Variants in CADM2 observed in about 807,000 individuals in gnomAD.
CADM2 encodes the protein cell adhesion molecule 2.
Under a neutral mutation model 49.8 loss-of-function variants are expected in CADM2, and 12 were observed. The ratio of observed to expected loss-of-function variants is 0.24; its 90% CI spans 0.15 to 0.39. The LOEUF (loss-of-function observed/expected upper bound fraction) is 0.39. Among genes scored for constraint, CADM2 ranks in the 10% least tolerant of loss-of-function variants. The probability of loss-of-function intolerance (pLI) is 1.00; values close to 1 mark genes in which losing one functional copy is unlikely to be tolerated. For synonymous variants in CADM2, 214 were observed against 175.4 expected (o/e 1.22, Z -1.74); for missense variants, 378 against 492.3 (o/e 0.77, Z 2.20).
intron 1 of CADM2, among the ~76,000 whole-genome samples, chr3:85,676,758 A>T (rs1292751493): frequency 6.6e-6 from 1 of 151,996 alleles, no homozygotes; most frequent in Admixed American, 6.6e-5. Context: ...TTTTGTATAC[A>T]AGCATCTTAT....
chr3:85,657,739 T>TAC (rs1461325523), intron 1 of CADM2, among the ~76,000 whole-genome samples: 15 of 121,536 alleles, frequency 1.2e-4, no homozygotes, highest in Middle Eastern at 5.3e-3. Context: ...GATATATATA[T>TAC]ACAGATATAT....
Position 85,883,186 on chromosome 3 carries a change from A to G in CADM2, c.239-105A>G, listed in dbSNP as rs878929869. ...GTTCCAAGAAATAAGATTTGAATGT[A>G]TGGCCAAAGAAAACATTTATTGTAT... On this transcript the variant is annotated intron_variant, in intron 3 of 9. Coordinates refer to ENST00000383699, the MANE Select transcript of CADM2 (RefSeq NM_001167675.2). 26 of 808,912 alleles carry G rather than the reference A, an allele frequency of 3.2e-5. No individual in the cohort carries two copies. The South Asian group carries it at 6.9e-4, about 21-fold the overall frequency. 50.1% of individuals were successfully genotyped at this position (808,912 alleles called of 1,614,324 possible). A position where few individuals can be genotyped will look rare whatever the true frequency, so the allele number is the denominator to read the frequency against.
At chr3:85,189,163 A>G (rs555796828) in intron 1 of CADM2, among the ~76,000 whole-genome samples, 1 of 152,046 alleles carries the variant, frequency 6.6e-6, no homozygotes, top group Admixed American at 6.6e-5. Context: ...TATTATATAT[A>G]TTCAAACTAA....
intron 6 of CADM2, among the ~76,000 whole-genome samples, chr3:85,915,812 T>G (rs1319620148): frequency 6.6e-6 from 1 of 152,122 alleles, no homozygotes; most frequent in African/African-American, 2.4e-5. Context: ...GGAAGAACAT[T>G]TAGCATTTCA....
At chr3:85,040,121 CTG>C (rs916189687) in intron 1 of CADM2, among the ~76,000 whole-genome samples, 1 of 152,118 alleles carries the variant, frequency 6.6e-6, no homozygotes, top group Non-Finnish European at 1.5e-5. Context: ...AGAGAACACT[CTG>C]TGCAAAGATT....
At chr3:85,854,150 A>T (rs1466900970) in intron 3 of CADM2, among the ~76,000 whole-genome samples, 4 of 152,300 alleles carry the variant, frequency 2.6e-5, no homozygotes, top group African/African-American at 9.6e-5. Flanking sequence ...TTGCTTATTT[A>T]TCCTGGCCAT....
At chr3:86,009,865 G>T (rs1196339441) in intron 8 of CADM2, among the ~76,000 whole-genome samples, 1 of 151,482 alleles carries the variant, frequency 6.6e-6, no homozygotes, top group Non-Finnish European at 1.5e-5. Context: ...TTGAGAAATG[G>T]CTATATCTAT....
At chr3:85,808,106 C>T (rs1048675618) in intron 3 of CADM2, among the ~76,000 whole-genome samples, 2 of 152,108 alleles carry the variant, frequency 1.3e-5, no homozygotes, top group Non-Finnish European at 2.9e-5. Context: ...AATCATTAGC[C>T]TACAAAGTCG....
In CADM2 at chr3:85,244,521, C is replaced by T. The variant is rs75084067; in HGVS notation, c.61+284853C>T. On this transcript the variant is annotated intron_variant, in intron 1 of 9. Coordinates refer to ENST00000383699, the MANE Select transcript of CADM2 (RefSeq NM_001167675.2). ...CAAAATAGAAAAGTAATGTGAAAAA[C>T]AGTTTCTGCAGAAATACCTTTAGTT... 7.1e-3 allele frequency among the ~76,000 whole-genome samples: 1,075 copies of T among 152,172 alleles called. 1 individual carries two copies. Among genetic ancestry groups the T allele is most frequent in the Non-Finnish European group, 0.01 (709 of 67,978 alleles).
chr3:85,469,117 G>A (rs1313043135), intron 1 of CADM2, among the ~76,000 whole-genome samples: 1 of 152,126 alleles, frequency 6.6e-6, no homozygotes, highest in African/African-American at 2.4e-5. Flanking sequence ...TCAGACTCTG[G>A]GCTTATCAGC....
chr3:85,095,036 C>G (rs1287199160), intron 1 of CADM2, among the ~76,000 whole-genome samples: 1 of 152,138 alleles, frequency 6.6e-6, no homozygotes, highest in Non-Finnish European at 1.5e-5. Context: ...TTTGTTGGAA[C>G]TATTTATCTT....
chr3:85,191,804 G>A (rs563548690), intron 1 of CADM2, among the ~76,000 whole-genome samples: 2 of 152,230 alleles, frequency 1.3e-5, no homozygotes, highest in South Asian at 4.1e-4. Context: ...CCAGTCATCA[G>A]ATACAATGTT....
chr3:85,775,248 C>T (rs1202924497), intron 2 of CADM2, among the ~76,000 whole-genome samples: 1 of 151,766 alleles, frequency 6.6e-6, no homozygotes, highest in Admixed American at 6.6e-5. Flanking sequence ...ATAGGTTTGT[C>T]TCATGACATT....
rs557371450 is a variant in CADM2, at chr3:85,579,216, C to A, written c.62-147306C>A. ...TTTATAATTTTTAAAACTCAATCCT[C>A]CAAAAATATACCATCCTACCTTCCT... On this transcript the variant is annotated intron_variant, in intron 1 of 9. Transcript: ENST00000383699. Among the ~76,000 whole-genome samples the A allele has an allele frequency of 4.6e-5, 7 of 152,256 alleles. No individual in the cohort carries two copies. In the South Asian group the frequency reaches 8.3e-4, roughly 18 times the overall value.
chr3:85,942,912 C>T (rs868743925), intron 7 of CADM2, among the ~76,000 whole-genome samples: 5,069 of 151,956 alleles, frequency 0.033, 288 homozygotes, highest in African/African-American at 0.12. Flanking sequence ...ATCGCCACAC[C>T]GACTTCCACA....
chr3:86,003,342 A>C (rs532855825), intron 8 of CADM2, among the ~76,000 whole-genome samples: 5 of 152,176 alleles, frequency 3.3e-5, no homozygotes, highest in African/African-American at 4.8e-5. Context: ...TGCTAGTTGC[A>C]ATAGAGTAAT....
At chr3:86,032,986 TC>T in intron 8 of CADM2, among the ~76,000 whole-genome samples, 1 of 152,056 alleles carries the variant, frequency 6.6e-6, no homozygotes, top group East Asian at 1.9e-4. Context: ...CCTTTATCAA[TC>T]TCTTTTCCTT....
intron 1 of CADM2, among the ~76,000 whole-genome samples, chr3:85,097,116 A>G (rs1168630709): frequency 6.6e-6 from 1 of 152,084 alleles, no homozygotes; most frequent in East Asian, 1.9e-4. Flanking sequence ...GTCATTTAGC[A>G]TTTGGTATAT....
At chr3:85,269,498 T>A (rs979300543) in intron 1 of CADM2, among the ~76,000 whole-genome samples, 8 of 151,414 alleles carry the variant, frequency 5.3e-5, no homozygotes, top group African/African-American at 1.9e-4. Flanking sequence ...TAAATCTGAG[T>A]ATCTGTGGAA....
Sources: allele counts gnomAD v4.1 joint callset (sites outside exome capture counted in the v4.1 genomes callset), GRCh38; gene constraint gnomAD v4.1.1; transcripts MANE v1.5; gene names NCBI Gene and HGNC (gene_info 2026-07-23, HGNC 2026-07-21).